BCAS3: variants seen among roughly 807,000 people sequenced by gnomAD.
BCAS3 encodes BCAS4/BCAS3 fusion.
A neutral mutation model predicts 116.1 loss-of-function variants in BCAS3; 53 were observed. That is an observed-to-expected ratio of 0.46 (90% CI 0.37 to 0.57). The LOEUF (loss-of-function observed/expected upper bound fraction) is 0.57. BCAS3 is among the 20% of genes least tolerant of loss of function. The pLI, the probability that BCAS3 is intolerant of heterozygous loss-of-function variation, is 0.00. For synonymous variants in BCAS3, 391 were observed against 408.2 expected (o/e 0.96, Z 0.51); for missense variants, 917 against 1,165.4 (o/e 0.79, Z 3.10).
chr17:61,312,272 G>A (rs1337945159), intron 22 of BCAS3, among the ~76,000 whole-genome samples: 3 of 152,204 alleles, frequency 2.0e-5, no homozygotes, highest in Admixed American at 6.5e-5. Context: ...CTCCAAGGAA[G>A]GGGAAGGGAG....
chr17:61,329,345 T>TATTATTA (rs57523014), intron 22 of BCAS3, among the ~76,000 whole-genome samples: 1 of 139,198 alleles, frequency 7.2e-6, no homozygotes, highest in Non-Finnish European at 1.5e-5. Flanking sequence ...TTATTATTAT[T>TATTATTA]TTTTTTTTTT....
chr17:60,690,940 AAAAAC>A, intron 4 of BCAS3, among the ~76,000 whole-genome samples: 1 of 151,784 alleles, frequency 6.6e-6, no homozygotes, highest in South Asian at 2.1e-4. Flanking sequence ...AAACAAAAAC[AAAAAC>A]AAAACAAAAG....
rs1445903086 is a variant in BCAS3 at position 61,300,388 on chromosome 17, C to T, written c.2426-67939C>T. ...TTCAGTTTTCTAAAGAGAAAACTTG[C>T]TCCCTAAGCTCCCAGAAGGCATTAC... On this transcript the variant is annotated intron_variant, in intron 22 of 23. Coordinates refer to ENST00000407086, the MANE Select transcript of BCAS3 (RefSeq NM_017679.5). The surrounding 1 kb of genome is among the most constrained non-coding windows in gnomAD (Gnocchi z 5.1). 6.6e-6 allele frequency among the ~76,000 whole-genome samples: 1 copy of T among 152,118 alleles called. No homozygotes were observed. The highest frequency in any genetic ancestry group is 2.4e-5 in the African/African-American group (1 of 41,418).
intron 6 of BCAS3, among the ~76,000 whole-genome samples, chr17:60,773,474 G>A (rs781650186): frequency 4.6e-5 from 7 of 151,712 alleles, no homozygotes; most frequent in Admixed American, 3.3e-4. Flanking sequence ...TGTATTTTTT[G>A]TAGAGATGGG....
intron 5 of BCAS3, among the ~76,000 whole-genome samples, chr17:60,718,444 A>T (rs983912338): frequency 9.2e-5 from 14 of 151,992 alleles, no homozygotes; most frequent in Non-Finnish European, 1.6e-4. Flanking sequence ...GTTAGTTTTT[A>T]AATTTTTTTA....
At chr17:60,739,427 C>T (rs976777726) in intron 5 of BCAS3, among the ~76,000 whole-genome samples, 1 of 152,036 alleles carries the variant, frequency 6.6e-6, no homozygotes, top group African/African-American at 2.4e-5. Flanking sequence ...CGAGACCAGC[C>T]TGGTCAATGT....
At chr17:60,902,379 A>C (rs1321087022) in intron 10 of BCAS3, among the ~76,000 whole-genome samples, 7 of 152,176 alleles carry the variant, frequency 4.6e-5, no homozygotes, top group Admixed American at 4.6e-4. Flanking sequence ...CTTAAAGACC[A>C]TTCTTCTTGT....
intron 5 of BCAS3, among the ~76,000 whole-genome samples, chr17:60,717,124 A>G (rs2038702733): frequency 1.3e-5 from 2 of 152,106 alleles, no homozygotes; most frequent in African/African-American, 2.4e-5. Flanking sequence ...AGTTATCCAT[A>G]TGGGTATTTG....
At chr17:60,904,442 A>G (rs367597557) in intron 11 of BCAS3, among the ~76,000 whole-genome samples, 1 of 152,156 alleles carries the variant, frequency 6.6e-6, no homozygotes, top group South Asian at 2.1e-4. Context: ...ACAACAAAAA[A>G]AATGCAAACT....
intron 6 of BCAS3, among the ~76,000 whole-genome samples, chr17:60,775,887 A>C (rs2144449893): frequency 6.6e-6 from 1 of 152,314 alleles, no homozygotes; most frequent in South Asian, 2.1e-4. Context: ...TATAAAGAAG[A>C]GGTCCATGCA....
chr17:60,887,674 C>G (rs2056818738), intron 9 of BCAS3, among the ~76,000 whole-genome samples: 1 of 152,026 alleles, frequency 6.6e-6, no homozygotes, highest in Admixed American at 6.6e-5. Context: ...ATGTAAATAA[C>G]TGTTTTCTTT....
chr17:61,079,043 G>C (rs551621279), intron 21 of BCAS3, among the ~76,000 whole-genome samples: 1 of 151,976 alleles, frequency 6.6e-6, no homozygotes, highest in East Asian at 1.9e-4. Flanking sequence ...CCTAGGACAG[G>C]TGTACAAATT....
At chr17:60,742,127 T>C (rs1183652034) in intron 5 of BCAS3, among the ~76,000 whole-genome samples, 1 of 152,224 alleles carries the variant, frequency 6.6e-6, no homozygotes. Flanking sequence ...GTTAATATTC[T>C]GTTGGGCACT....
chr17:61,175,520 A>G (rs1279653014), intron 22 of BCAS3, among the ~76,000 whole-genome samples: 1 of 152,194 alleles, frequency 6.6e-6, no homozygotes, highest in Non-Finnish European at 1.5e-5. Flanking sequence ...CCATGTTTTT[A>G]TCTTAGCAAA....
rs984370794 is a variant in BCAS3, at chr17:61,188,459, G to T, written c.2425+103895G>T. On this transcript the variant is annotated intron_variant, in intron 22 of 23. Coordinates refer to ENST00000407086, the MANE Select transcript of BCAS3 (RefSeq NM_017679.5). The surrounding 1 kb of genome is among the most constrained non-coding windows in gnomAD (Gnocchi z 4.0). Reference sequence around the variant, plus strand: ...ATTCTGGTATGGACCACAAGTCTGGGAGGCAAGTGGATTTTAGGTGTTTTA... The same window carrying T: ...ATTCTGGTATGGACCACAAGTCTGGTAGGCAAGTGGATTTTAGGTGTTTTA... 4.6e-5 allele frequency among the ~76,000 whole-genome samples: 7 copies of T among 152,200 alleles called. No individual in the cohort carries two copies. Among genetic ancestry groups the T allele is most frequent in the African/African-American group, 1.4e-4 (6 of 41,440 alleles).
intron 22 of BCAS3, among the ~76,000 whole-genome samples, chr17:61,092,262 C>A (rs1012669075): frequency 3.9e-5 from 6 of 152,158 alleles, no homozygotes; most frequent in African/African-American, 1.2e-4. Flanking sequence ...AATATTCTGT[C>A]ATTTCCAGCT....
rs2055444547 is a variant in BCAS3, at chr17:61,323,134, A to G, written c.2426-45193A>G. 6.6e-6 allele frequency among the ~76,000 whole-genome samples: 1 copy of G among 152,196 alleles called. No homozygotes were observed. Among genetic ancestry groups the G allele is most frequent in the African/African-American group, 2.4e-5 (1 of 41,454 alleles). ...ACATGGATTTAGCATCACACGGGGA[A>G]TTCGCTGTAACCCAGCCATCTTTTA... On this transcript the variant is annotated intron_variant, in intron 22 of 23. Coordinates refer to ENST00000407086, the MANE Select transcript of BCAS3 (RefSeq NM_017679.5). The surrounding 1 kb of genome is among the most constrained non-coding windows in gnomAD (Gnocchi z 4.6).
In BCAS3 at chr17:61,279,346, G is replaced by A. The variant is rs1366244691; in HGVS notation, c.2426-88981G>A. ...CAGCCTAGGTCTGACACACCTAATAGAACAGAAGCTCTCGCTTCTTTCTTC... is the reference window on the plus strand; with the variant it reads ...CAGCCTAGGTCTGACACACCTAATAAAACAGAAGCTCTCGCTTCTTTCTTC... On this transcript the variant is annotated intron_variant, in intron 22 of 23. Coordinates refer to ENST00000407086, the MANE Select transcript of BCAS3 (RefSeq NM_017679.5). The surrounding 1 kb of genome is among the most constrained non-coding windows in gnomAD (Gnocchi z 4.4). Among the ~76,000 whole-genome samples, 1 of 151,814 alleles carries A rather than the reference G, an allele frequency of 6.6e-6. No individual in the cohort carries two copies.
In BCAS3 at chr17:61,147,221, C is replaced by T. The variant is rs545196873; in HGVS notation, c.2425+62657C>T. On this transcript the variant is annotated intron_variant, in intron 22 of 23. Transcript: ENST00000407086. Reference sequence around the variant, plus strand: ...TCCTGAGGACCTGGGACTACAGGTACGCACCACCACACCTAGCTAATTTTT... The same window carrying T: ...TCCTGAGGACCTGGGACTACAGGTATGCACCACCACACCTAGCTAATTTTT... 3.9e-5 allele frequency among the ~76,000 whole-genome samples: 6 copies of T among 152,076 alleles called. No homozygotes were observed. In the South Asian group the frequency reaches 8.3e-4, roughly 21 times the overall value.
Sources: allele counts gnomAD v4.1 joint callset (sites outside exome capture counted in the v4.1 genomes callset), GRCh38; gene constraint gnomAD v4.1.1; non-coding constraint Gnocchi (gnomAD v3.1); transcripts MANE v1.5; gene names NCBI Gene and HGNC (gene_info 2026-07-23, HGNC 2026-07-21).